The following ASZ1 variants were observed in gnomAD, a reference collection of about 807,000 sequenced individuals.
ASZ1 encodes ankyrin repeat, SAM and basic leucine zipper domain-containing protein 1.
Under a neutral mutation model 61.8 loss-of-function variants are expected in ASZ1, and 67 were observed. The ratio of observed to expected loss-of-function variants is 1.08; its 90% CI spans 0.89 to 1.33. The LOEUF is 1.33. ASZ1 is among the 40% of genes most tolerant of loss of function. The pLI, the probability that ASZ1 is intolerant of heterozygous loss-of-function variation, is 0.00. For synonymous variants in ASZ1, 193 were observed against 192.7 expected (o/e 1.00, Z -0.01); for missense variants, 577 against 554.5 (o/e 1.04, Z -0.41).
chr7:117,410,156 C>T (rs1796863084), intron 4 of ASZ1, among the ~76,000 whole-genome samples: 1 of 151,610 alleles, frequency 6.6e-6, no homozygotes, highest in Admixed American at 6.6e-5. Flanking sequence ...TTAATGGCAT[C>T]AGCCATTTTT....
intron 9 of ASZ1, 141 bp from the exon 10 acceptor site, chr7:117,380,188 AAT>A (rs1219593190): frequency 2.4e-5 from 14 of 594,776 alleles, no homozygotes; most frequent in Admixed American, 1.3e-4. Flanking sequence ...ACTTCTAAAA[AAT>A]ATGTTTTTCT....
At chr7:117,401,255 C>T (rs1796674742) in intron 4 of ASZ1, among the ~76,000 whole-genome samples, 1 of 152,012 alleles carries the variant, frequency 6.6e-6, no homozygotes, top group African/African-American at 2.4e-5. Flanking sequence ...GAAGAAAAAG[C>T]AGTATCTTAA....
Position 117,388,194 on chromosome 7 carries a change from A to G in ASZ1, c.441-2385T>C, listed in dbSNP as rs565649794. On this transcript the variant is annotated intron_variant, in intron 4 of 12. Transcript: ENST00000284629. Reference sequence around the variant, plus strand: ...TTAAATTTTCCACAAAGAAAACAGCAGGCCAGATGGCTCCACTGGTGAATT... The same window carrying G: ...TTAAATTTTCCACAAAGAAAACAGCGGGCCAGATGGCTCCACTGGTGAATT... Among the ~76,000 whole-genome samples, 15 of 152,300 alleles carry G rather than the reference A, an allele frequency of 9.8e-5. No individual in the cohort carries two copies. In the South Asian group the frequency reaches 2.5e-3, roughly 25 times the overall value.
chr7:117,383,103 T>C lies in ASZ1; in HGVS notation c.695A>G (p.Asn232Ser), dbSNP rs1025977592. 17 of 1,555,532 alleles carry C rather than the reference T, an allele frequency of 1.1e-5. No individual in the cohort carries two copies. The highest frequency in any genetic ancestry group is 2.4e-5 in the East Asian group (1 of 42,058). The change falls in exon 7 of 13, where the codon AAC becomes AGC. Residue 232 changes from asparagine to serine, a missense_variant. Transcript: ENST00000284629. ...AKRNKHHEIF[N>S]LLSFTLNPLE... ...TGGATTTAAAGTAAAAGAAAGTAAG[T>C]TGAAGATCTGAAAAAAGTTAACATC...
chr7:117,410,745 A>G (rs991838031), intron 4 of ASZ1, among the ~76,000 whole-genome samples: 15 of 133,896 alleles, frequency 1.1e-4, no homozygotes, highest in African/African-American at 5.0e-4. Flanking sequence ...ATGTAAGAGG[A>G]AAAAAAAAAT....
At chr7:117,427,139 A>G (rs1797237165) in intron 1 of ASZ1, among the ~76,000 whole-genome samples, 2 of 152,224 alleles carry the variant, frequency 1.3e-5, no homozygotes, top group South Asian at 4.1e-4. Flanking sequence ...CTGAGGAGTT[A>G]CGATGACCTA....
At chr7:117,372,528 G>A (rs1796067624) in intron 10 of ASZ1, among the ~76,000 whole-genome samples, 1 of 152,176 alleles carries the variant, frequency 6.6e-6, no homozygotes, top group Non-Finnish European at 1.5e-5. Flanking sequence ...CTTGTTATAA[G>A]TGACTGACAT....
intron 4 of ASZ1, among the ~76,000 whole-genome samples, chr7:117,411,921 CATG>C (rs1796896786): frequency 6.6e-6 from 1 of 151,560 alleles, no homozygotes; most frequent in Admixed American, 6.6e-5. Flanking sequence ...ATGCTGTCAA[CATG>C]ATAATGGTTC....
chr7:117,386,247 T>C (rs1431638736), intron 4 of ASZ1, among the ~76,000 whole-genome samples: 1 of 152,182 alleles, frequency 6.6e-6, no homozygotes, highest in Admixed American at 6.6e-5. Flanking sequence ...GAAACAAAAA[T>C]GTAAATTTAA....
intron 4 of ASZ1, among the ~76,000 whole-genome samples, chr7:117,389,350 T>G (rs1400361536): frequency 6.6e-6 from 1 of 152,196 alleles, no homozygotes; most frequent in African/African-American, 2.4e-5. Context: ...CTTTGGATTC[T>G]CTAGTGTCTA....
In ASZ1 at chr7:117,427,380, A is replaced by T; in HGVS notation, c.81T>A (p.Ile27=). The change falls in exon 1 of 13, where the codon ATT becomes ATA. Residue 27 remains isoleucine (I), a synonymous_variant. Transcript: ENST00000284629. ...CCTGAGACGTCCGGTCGAGATACCC[A>T]ATCTCCCAGCCATCATCCTCGCTCT... ...SSESEDDGWE[I]GYLDRTSQKL... 6.2e-7 allele frequency: 1 copy of T among 1,614,178 alleles called. No homozygotes were observed. Among genetic ancestry groups the T allele is most frequent in the Non-Finnish European group, 8.5e-7 (1 of 1,180,002 alleles).
At chr7:117,410,663 C>T (rs1464563740) in intron 4 of ASZ1, among the ~76,000 whole-genome samples, 2 of 151,218 alleles carry the variant, frequency 1.3e-5, no homozygotes, top group African/African-American at 4.8e-5. Flanking sequence ...AAATTATAAA[C>T]TCATACACTA....
intron 5 of ASZ1, 69 bp downstream of exon 5, chr7:117,385,629 A>G: frequency 7.7e-7 from 1 of 1,293,906 alleles, no homozygotes; most frequent in Non-Finnish European, 1.1e-6. Flanking sequence ...ATTACTTCTT[A>G]AAATTCTTTT....
In ASZ1 at chr7:117,427,432, G is replaced by T; in HGVS notation, c.29C>A (p.Pro10Gln). The change falls in exon 1 of 13, where the codon CCA becomes CAA. Residue 10 changes from proline to glutamine, a missense_variant. Coordinates refer to ENST00000284629, the MANE Select transcript of ASZ1 (RefSeq NM_130768.3). MAASALRGL[P>Q]VAGGGESSES... ...GCTACTCTCGCCTCCGCCAGCCACTGGCAGGCCTCGCAGCGCGCTCGCCGC... is the reference window on the plus strand; with the variant it reads ...GCTACTCTCGCCTCCGCCAGCCACTTGCAGGCCTCGCAGCGCGCTCGCCGC... 6.2e-7 allele frequency: 1 copy of T among 1,614,054 alleles called. No individual in the cohort carries two copies. Among genetic ancestry groups the T allele is most frequent in the East Asian group, 2.2e-5 (1 of 44,876 alleles).
In ASZ1 at chr7:117,426,897, T is replaced by C. The variant is rs952781101; in HGVS notation, c.144A>G (p.Glu48=). Reference sequence around the variant, plus strand: ...CGATGGTCATTGCTTTCTTAAATTTTTCTTTCTTTTCTTCAATGGGTAATA... The same window carrying C: ...CGATGGTCATTGCTTTCTTAAATTTCTCTTTCTTTTCTTCAATGGGTAATA... ...KRLLPIEEKK[E]KFKKAMTIGD... is the part of the protein sequence containing the mutation. The change falls in exon 2 of 13, where the codon GAA becomes GAG. Residue 48 remains glutamate, a synonymous_variant. Transcript: ENST00000284629. 1.9e-6 allele frequency: 3 copies of C among 1,612,964 alleles called. No homozygotes were observed. Among genetic ancestry groups the C allele is most frequent in the Non-Finnish European group, 2.5e-6 (3 of 1,179,798 alleles).
chr7:117,389,437 T>C (rs1186640873), intron 4 of ASZ1, among the ~76,000 whole-genome samples: 2 of 152,192 alleles, frequency 1.3e-5, no homozygotes, highest in Non-Finnish European at 2.9e-5. Context: ...TTGAAACATA[T>C]TTTGAAATGC....
intron 2 of ASZ1, among the ~76,000 whole-genome samples, chr7:117,425,915 C>A (rs190820295): frequency 5.9e-5 from 9 of 151,944 alleles, no homozygotes; most frequent in African/African-American, 1.9e-4. Flanking sequence ...ACTTGAATCC[C>A]GGCCCCCAGA....
At chr7:117,419,848 C>T (rs1326925400) in intron 4 of ASZ1, among the ~76,000 whole-genome samples, 2 of 152,128 alleles carry the variant, frequency 1.3e-5, no homozygotes, top group South Asian at 2.1e-4. Context: ...CATTAAAAGG[C>T]TTTACTCTTA....
chr7:117,426,159 A>G (rs1797206193), intron 2 of ASZ1, among the ~76,000 whole-genome samples: 1 of 152,034 alleles, frequency 6.6e-6, no homozygotes, highest in South Asian at 2.1e-4. Flanking sequence ...GTAACGAGAA[A>G]GAACTAAAAT....
Sources: allele counts gnomAD v4.1 joint callset (sites outside exome capture counted in the v4.1 genomes callset), GRCh38; gene constraint gnomAD v4.1.1; transcripts MANE v1.5; gene names NCBI Gene and HGNC (gene_info 2026-07-23, HGNC 2026-07-21).